Variants in PEAK1 observed in about 807,000 individuals in gnomAD.
PEAK1 encodes the protein pseudopodium enriched atypical kinase 1.
Under a neutral mutation model 124.7 loss-of-function variants are expected in PEAK1, and 54 were observed. The observed-to-expected ratio is 0.43, with a 90% CI of 0.35 to 0.54. PEAK1 has a LOEUF of 0.54. PEAK1 is among the 20% of genes least tolerant of loss of function. The probability of loss-of-function intolerance (pLI) is 0.01; values close to 1 mark genes in which losing one functional copy is unlikely to be tolerated. For synonymous variants in PEAK1, 719 were observed against 760.0 expected (o/e 0.95, Z 0.89); for missense variants, 2,046 against 2,134.5 (o/e 0.96, Z 0.82).
rs55958042 is a variant in PEAK1, at chr15:77,225,666, T to TTATATATATATATATATA, written c.-115+26683_-115+26700dup. Reference sequence around the variant, plus strand: ...GTGTGTGTGTGTGTGTGTGTATAATTTATATATATATATATATATATATAT... The same window carrying TTATATATATATATATATA: ...GTGTGTGTGTGTGTGTGTGTATAATTTATATATATATATATATATATATATATATATATATATATATAT... On this transcript the variant is annotated intron_variant, in intron 6 of 9. Transcript: ENST00000682557. Among the ~76,000 whole-genome samples the TTATATATATATATATATA allele has an allele frequency of 8.3e-3, 731 of 87,924 alleles. 32 individuals carry two copies. Among genetic ancestry groups the TTATATATATATATATATA allele is most frequent in the Non-Finnish European group, 0.012 (536 of 43,210 alleles). 57.7% of individuals were successfully genotyped at this position (87,924 alleles called of 152,430 possible).
intron 1 of PEAK1, among the ~76,000 whole-genome samples, chr15:77,368,884 G>A (rs2068448637): frequency 6.6e-6 from 1 of 152,138 alleles, no homozygotes; most frequent in South Asian, 2.1e-4. Flanking sequence ...GAATACACAT[G>A]AAGCAAAAGA....
intron 9 of PEAK1, among the ~76,000 whole-genome samples, chr15:77,124,306 A>T (rs2052183695): frequency 6.6e-6 from 1 of 152,214 alleles, no homozygotes; most frequent in South Asian, 2.1e-4. Flanking sequence ...CACAGTTTCA[A>T]CTAAATCAAG....
At chr15:77,138,161 A>G (rs1273394542) in intron 8 of PEAK1, among the ~76,000 whole-genome samples, 1 of 152,196 alleles carries the variant, frequency 6.6e-6, no homozygotes, top group African/African-American at 2.4e-5. Flanking sequence ...AGTCTTGGAT[A>G]TGACTTTATC....
chr15:77,142,628 T>C (rs1021062957), intron 8 of PEAK1, among the ~76,000 whole-genome samples: 1 of 152,130 alleles, frequency 6.6e-6, no homozygotes. Flanking sequence ...TATTCAGGCA[T>C]AAGAGGAGTG....
chr15:77,357,990 A>G (rs1043917810), intron 2 of PEAK1, among the ~76,000 whole-genome samples: 2 of 152,164 alleles, frequency 1.3e-5, no homozygotes, highest in African/African-American at 4.8e-5. Context: ...TCTGCTTCAG[A>G]GGAAATGAAA....
At chr15:77,320,866 G>A (rs546901134) in intron 2 of PEAK1, among the ~76,000 whole-genome samples, 1 of 151,090 alleles carries the variant, frequency 6.6e-6, no homozygotes, top group East Asian at 2.0e-4. Flanking sequence ...GTGTCCATGT[G>A]TTCTCATTGT....
At chr15:77,289,043 T>C (rs1299047034) in intron 2 of PEAK1, among the ~76,000 whole-genome samples, 1 of 151,598 alleles carries the variant, frequency 6.6e-6, no homozygotes, top group Non-Finnish European at 1.5e-5. Flanking sequence ...ACAGCAAATA[T>C]AAATTAACAA....
intron 6 of PEAK1, among the ~76,000 whole-genome samples, chr15:77,224,225 T>C (rs552633186): frequency 8.0e-4 from 121 of 152,104 alleles, no homozygotes; most frequent in Middle Eastern, 6.8e-3. Flanking sequence ...TAGACTCTTC[T>C]ACTTTATAAC....
At chr15:77,325,145 G>A (rs2065485246) in intron 2 of PEAK1, among the ~76,000 whole-genome samples, 3 of 152,224 alleles carry the variant, frequency 2.0e-5, no homozygotes, top group African/African-American at 7.2e-5. Flanking sequence ...TTGGCTGGGT[G>A]TGGTGGCTCA....
chr15:77,184,825 T>TGGCGGAGGTTGCAGTG (rs1191714851), intron 6 of PEAK1, among the ~76,000 whole-genome samples: 1 of 152,128 alleles, frequency 6.6e-6, no homozygotes, highest in African/African-American at 2.4e-5. Context: ...TGAACCTGGG[T>TGGCGGAGGTTGCAGTG]GGCGGAGGTT....
intron 7 of PEAK1, among the ~76,000 whole-genome samples, chr15:77,163,794 C>T (rs1273028424): frequency 6.6e-6 from 1 of 151,538 alleles, no homozygotes. Context: ...TTTGTTAGCT[C>T]TGTTCAGCAG....
At chr15:77,365,633 G>T (rs969391289) in intron 1 of PEAK1, among the ~76,000 whole-genome samples, 1 of 151,508 alleles carries the variant, frequency 6.6e-6, no homozygotes, top group African/African-American at 2.4e-5. Context: ...CCACCTACTC[G>T]GGAGGCTGAG....
At chr15:77,195,586 T>C (rs1359300879) in intron 6 of PEAK1, among the ~76,000 whole-genome samples, 1 of 152,228 alleles carries the variant, frequency 6.6e-6, no homozygotes, top group Admixed American at 6.5e-5. Flanking sequence ...TCTTTTGTTC[T>C]AATTGACTTC....
chr15:77,355,921 CTG>C (rs2067490387), intron 2 of PEAK1: 1 of 985,254 alleles, frequency 1.0e-6, no homozygotes, highest in Non-Finnish European at 1.2e-6. Context: ...ACTAGGACCC[CTG>C]TGTGTGGAAT....
Position 77,115,092 on chromosome 15 carries a change from C to T in PEAK1, c.4305G>A (p.Lys1435=), listed in dbSNP as rs757135911. 7.4e-6 allele frequency: 12 copies of T among 1,614,150 alleles called. No individual in the cohort carries two copies. In the East Asian group the frequency reaches 1.3e-4, roughly 18 times the overall value. ...GGGATGATGCTGCTTCAGAACAGGG[C>T]TTTGGGTTTTTCCCATCCGTTTCTC... The part of the protein sequence containing the change: ...AKGETDGKNP[K]PCSEAASSQK... Residue 1435 remains lysine, a synonymous_variant, in exon 10 of 10, where the codon AAG becomes AAA. Transcript: ENST00000682557.
At chr15:77,254,508 C>T (rs1033941387) in intron 5 of PEAK1, among the ~76,000 whole-genome samples, 1 of 152,126 alleles carries the variant, frequency 6.6e-6, no homozygotes, top group African/African-American at 2.4e-5. Context: ...TCACGGCTCA[C>T]TGCATCCTTG....
Position 77,249,396 on chromosome 15 carries a change from A to T in PEAK1, c.-115+2971T>A, listed in dbSNP as rs532603181. 1.6e-4 allele frequency among the ~76,000 whole-genome samples: 24 copies of T among 152,272 alleles called. 1 individual carries two copies. Among genetic ancestry groups the T allele is most frequent in the African/African-American group, 5.8e-4 (24 of 41,550 alleles). On this transcript the variant is annotated intron_variant, in intron 6 of 9. Transcript: ENST00000682557. ...CTTAGCATTACATAGCTAGAATGTT[A>T]CTCTTTAAATTTTAGCTTCTTTAGT...
intron 6 of PEAK1, among the ~76,000 whole-genome samples, chr15:77,220,531 A>C (rs915541683): frequency 3.4e-4 from 51 of 151,770 alleles, no homozygotes; most frequent in Non-Finnish European, 5.6e-4. Flanking sequence ...AAAAAAAAAA[A>C]AAAAAACGGT....
intron 6 of PEAK1, among the ~76,000 whole-genome samples, chr15:77,250,229 A>C (rs1383785681): frequency 8.6e-6 from 1 of 116,242 alleles, no homozygotes; most frequent in Non-Finnish European, 1.9e-5. Flanking sequence ...ATACACATAT[A>C]TATGTATATG....
Sources: allele counts gnomAD v4.1 joint callset (sites outside exome capture counted in the v4.1 genomes callset), GRCh38; gene constraint gnomAD v4.1.1; transcripts MANE v1.5; gene names NCBI Gene and HGNC (gene_info 2026-07-23, HGNC 2026-07-21).